The following SNX25 variants were observed in gnomAD, a reference collection of about 807,000 sequenced individuals.
SNX25 encodes the protein sorting nexin 25, also known as sorting nexin-25.
SNX25 carries 62 observed loss-of-function variants against 113.7 expected under a neutral mutation model. That is an observed-to-expected ratio of 0.55 (90% CI 0.44 to 0.67). The LOEUF (loss-of-function observed/expected upper bound fraction) is 0.67. SNX25 is among the 30% of genes least tolerant of loss of function. The probability of loss-of-function intolerance (pLI) is 0.00; values close to 1 mark genes in which losing one functional copy is unlikely to be tolerated. For synonymous variants in SNX25, 421 were observed against 436.2 expected (o/e 0.97, Z 0.43); for missense variants, 1,014 against 1,161.0 (o/e 0.87, Z 1.84).
chr4:185,291,613 G>A (rs1452325599), intron 6 of SNX25, among the ~76,000 whole-genome samples: 4 of 152,216 alleles, frequency 2.6e-5, no homozygotes, highest in Non-Finnish European at 5.9e-5. Flanking sequence ...TTCTGAATGC[G>A]CTGGGGGAGC....
intron 2 of SNX25, among the ~76,000 whole-genome samples, chr4:185,248,211 T>A (rs987010382): frequency 3.9e-5 from 6 of 152,342 alleles, no homozygotes; most frequent in Non-Finnish European, 7.3e-5. Flanking sequence ...AATTAAATTT[T>A]AAAAAATACT....
intron 6 of SNX25, among the ~76,000 whole-genome samples, chr4:185,303,781 ACTC>A (rs1404403253): frequency 1.3e-5 from 2 of 151,858 alleles, no homozygotes; most frequent in Admixed American, 6.6e-5. Context: ...TCCGCCATCA[ACTC>A]CTGTACGATT....
chr4:185,371,357 G>A (rs1225035804), downstream of SNX25, among the ~76,000 whole-genome samples: 1 of 151,906 alleles, frequency 6.6e-6, no homozygotes, highest in Non-Finnish European at 1.5e-5. Flanking sequence ...GGCTAACATG[G>A]TGAAACCCCG....
In SNX25 at chr4:185,232,315, A is replaced by G. The variant is rs1292076261; in HGVS notation, c.430-14979A>G. On this transcript the variant is annotated intron_variant, in intron 1 of 18. Transcript: ENST00000652585. This position sits in a 1 kb window ranked among gnomAD's most constrained non-coding sequence, Gnocchi z 4.4. ...CTACGGGGTTACAATCTTCCCGGAC[A>G]TCGCCTAAGTTTTATTATCCCCCTT... 6.6e-5 allele frequency among the ~76,000 whole-genome samples: 10 copies of G among 152,132 alleles called. No individual in the cohort carries two copies. Among genetic ancestry groups the G allele is most frequent in the Admixed American group, 2.0e-4 (3 of 15,266 alleles).
chr4:185,366,206 T>C (rs1225920346), downstream of SNX25: 2 of 152,248 alleles, frequency 1.3e-5, no homozygotes, highest in Non-Finnish European at 2.9e-5. Context: ...CTGTCACCTT[T>C]TGCCTTCATA....
chr4:185,239,369 G>A (rs1466271627), intron 1 of SNX25, among the ~76,000 whole-genome samples: 2 of 152,096 alleles, frequency 1.3e-5, no homozygotes, highest in African/African-American at 2.4e-5. Flanking sequence ...TGTAGTCCCA[G>A]CTACTCGGGA....
intron 1 of SNX25, among the ~76,000 whole-genome samples, chr4:185,222,013 A>G (rs1224869612): frequency 3.7e-5 from 5 of 134,562 alleles, no homozygotes; most frequent in African/African-American, 1.4e-4. Context: ...GATATATAGC[A>G]CCATATATCC....
At chr4:185,358,400 T>C (rs1316416793) in intron 16 of SNX25, among the ~76,000 whole-genome samples, 1 of 152,250 alleles carries the variant, frequency 6.6e-6, no homozygotes, top group Non-Finnish European at 1.5e-5. Context: ...ATCATGCATT[T>C]ATGAAAGCCC....
intron 1 of SNX25, among the ~76,000 whole-genome samples, chr4:185,235,166 C>T (rs1260479507): frequency 6.6e-6 from 1 of 152,240 alleles, no homozygotes; most frequent in Non-Finnish European, 1.5e-5. Context: ...ACATTTGATG[C>T]ATGTAGGCAT....
intron 3 of SNX25, among the ~76,000 whole-genome samples, chr4:185,262,304 C>G (rs1218076451): frequency 6.6e-6 from 1 of 152,236 alleles, no homozygotes; most frequent in Non-Finnish European, 1.5e-5. Context: ...GCCTCTGCTT[C>G]CTCTTCCTTT....
chr4:185,357,837 C>CTT lies in SNX25; in HGVS notation c.2651+102_2651+103dup, dbSNP rs763582361. On this transcript the variant is annotated intron_variant, in intron 16 of 18. Coordinates refer to ENST00000652585, the MANE Select transcript of SNX25 (RefSeq NM_001378034.2). ...AGCAGCCAGTCATTTAACTGAAAGT[C>CTT]TTTAATTTTCTCTCACTTTTCGTTT... 75 of 974,968 alleles carry CTT rather than the reference C, an allele frequency of 7.7e-5. No individual in the cohort carries two copies. In the East Asian group the frequency reaches 1.8e-3, roughly 24 times the overall value. 60.4% of individuals were successfully genotyped at this position (974,968 alleles called of 1,614,324 possible).
At chr4:185,375,516 G>GTATATATATATATATATATATGTATA in the SNX25 span, 1 of 46,688 alleles carries the variant, frequency 2.1e-5, no homozygotes, top group African/African-American at 8.8e-5. Context: ...ATATATATAT[G>GTATATATATATATATATATATGTATA]TATATATATA....
chr4:185,290,622 G>C (rs538710810), intron 6 of SNX25, among the ~76,000 whole-genome samples: 1 of 151,136 alleles, frequency 6.6e-6, no homozygotes, highest in African/African-American at 2.4e-5. Context: ...CGAAATTTTA[G>C]CATGAGAATG....
At chr4:185,208,763 C>T (rs1178398662), upstream of SNX25, among the ~76,000 whole-genome samples, 3 of 152,010 alleles carry the variant, frequency 2.0e-5, no homozygotes, top group Non-Finnish European at 4.4e-5. Context: ...GAATGAAATG[C>T]CCATGAATAC....
chr4:185,269,715 G>A (rs1387308491), intron 5 of SNX25, among the ~76,000 whole-genome samples: 1 of 152,120 alleles, frequency 6.6e-6, no homozygotes, highest in Non-Finnish European at 1.5e-5. Context: ...AAACAGAAAG[G>A]CATCAGAGTT....
chr4:185,228,988 G>A (rs1741418559), intron 1 of SNX25, among the ~76,000 whole-genome samples: 1 of 152,192 alleles, frequency 6.6e-6, no homozygotes, highest in African/African-American at 2.4e-5. Flanking sequence ...CTTGATCTCT[G>A]TGCTCTGCTG....
chr4:185,256,702 T>C (rs1423155357), intron 2 of SNX25, among the ~76,000 whole-genome samples: 1 of 147,388 alleles, frequency 6.8e-6, no homozygotes, highest in African/African-American at 2.5e-5. Context: ...CTTGACTCAC[T>C]GCAACCTCCA....
intron 2 of SNX25, among the ~76,000 whole-genome samples, chr4:185,254,430 G>A (rs1746102862): frequency 6.6e-6 from 1 of 152,152 alleles, no homozygotes; most frequent in African/African-American, 2.4e-5. Context: ...TCATGATCAT[G>A]GGGCTGTACC....
chr4:185,372,995 C>T (rs745800330), downstream of SNX25: 7 of 1,613,902 alleles, frequency 4.3e-6, no homozygotes, highest in South Asian at 2.2e-5. Flanking sequence ...TGCCGGATGC[C>T]TTGTCCATAC....
Sources: allele counts gnomAD v4.1 joint callset (sites outside exome capture counted in the v4.1 genomes callset), GRCh38; gene constraint gnomAD v4.1.1; non-coding constraint Gnocchi (gnomAD v3.1); transcripts MANE v1.5; gene names NCBI Gene and HGNC (gene_info 2026-07-23, HGNC 2026-07-21).